PAX5: variants seen among roughly 807,000 people sequenced by gnomAD.
PAX5 encodes the protein paired box protein Pax-5.
A neutral mutation model predicts 43.7 loss-of-function variants in PAX5; 9 were observed. That is an observed-to-expected ratio of 0.21 (90% CI 0.12 to 0.36). The LOEUF (loss-of-function observed/expected upper bound fraction) is 0.36, where lower values mean the gene tolerates loss of function less well. Ranked by LOEUF, PAX5 falls within the 10% of genes least tolerant of loss-of-function variation. PAX5 has a pLI of 1.00. For missense variants in PAX5, 383 were observed against 532.7 expected (o/e 0.72, Z 2.77); for synonymous variants, 228 against 214.3 (o/e 1.06, Z -0.56).
chr9:36,880,204 C>A (rs913809773), intron 8 of PAX5, among the ~76,000 whole-genome samples: 1 of 152,258 alleles, frequency 6.6e-6, no homozygotes, highest in Non-Finnish European at 1.5e-5. Context: ...AGCTAAGATC[C>A]GTCCTGCTGA....
intron 8 of PAX5, among the ~76,000 whole-genome samples, chr9:36,855,687 C>A (rs1319761618): frequency 4.6e-5 from 7 of 152,170 alleles, no homozygotes; most frequent in Non-Finnish European, 8.8e-5. Flanking sequence ...TCCCATGGAG[C>A]TTCTCAGCCA....
chr9:37,017,890 C>G (rs539327422), intron 2 of PAX5, among the ~76,000 whole-genome samples: 95 of 152,382 alleles, frequency 6.2e-4, no homozygotes, highest in African/African-American at 2.2e-3. Flanking sequence ...AATGAGGATT[C>G]AGATTTAATA....
rs1476364310 is a variant in PAX5 at position 36,840,103 on chromosome 9, G to A, written c.*457C>T. The A allele has an allele frequency of 5.9e-6, 2 of 337,978 alleles. No individual in the cohort carries two copies. The highest frequency in any genetic ancestry group is 5.5e-6 in the Non-Finnish European group (1 of 181,436). 20.9% of individuals were successfully genotyped at this position (337,978 alleles called of 1,614,324 possible). A position where few individuals can be genotyped will look rare whatever the true frequency, so the allele number is the denominator to read the frequency against. ...ATGTCCGGTGATGCACCAAGAGTGC[G>A]AGATGCATCATGGGTGGAGCAGTCT... On this transcript the variant is annotated 3_prime_UTR_variant, in exon 10 of 10. Coordinates refer to ENST00000358127, the MANE Select transcript of PAX5 (RefSeq NM_016734.3).
chr9:36,952,744 C>T (rs773169504), intron 6 of PAX5, among the ~76,000 whole-genome samples: 3 of 152,174 alleles, frequency 2.0e-5, no homozygotes, highest in Non-Finnish European at 4.4e-5. Context: ...CATGTACCTT[C>T]TAATAGAATA....
At chr9:36,951,580 C>T (rs933133494) in intron 6 of PAX5, among the ~76,000 whole-genome samples, 2 of 152,144 alleles carry the variant, frequency 1.3e-5, no homozygotes, top group Non-Finnish European at 2.9e-5. Flanking sequence ...TCTCTCAGTC[C>T]TTGCAAACTT....
chr9:36,852,118 CA>C lies in PAX5; in HGVS notation c.1013-5190del, dbSNP rs377217641. Among the ~76,000 whole-genome samples, 5 of 152,324 alleles carry C rather than the reference CA, an allele frequency of 3.3e-5. No individual in the cohort carries two copies. In the East Asian group the frequency reaches 9.6e-4, roughly 29 times the overall value. ...AGAAGATCAAATGACTTCACGTTTG[CA>C]GATGCTCTTTGCAAACCCCTGTGTG... On this transcript the variant is annotated intron_variant, in intron 8 of 9. Transcript: ENST00000358127.
intron 7 of PAX5, among the ~76,000 whole-genome samples, chr9:36,914,642 A>C (rs927667868): frequency 2.0e-5 from 3 of 152,230 alleles, no homozygotes; most frequent in African/African-American, 7.2e-5. Context: ...CTACATTCTT[A>C]ATGAATGTAA....
intron 5 of PAX5, 123 bp from the exon 6 acceptor site, chr9:36,966,847 A>C: frequency 1.2e-6 from 1 of 816,442 alleles, no homozygotes; most frequent in Non-Finnish European, 1.9e-6. Context: ...CAGAGAATAC[A>C]CCAGCAGGGG....
At chr9:36,930,919 T>C (rs1367581439) in intron 6 of PAX5, 2 of 1,129,486 alleles carry the variant, frequency 1.8e-6, no homozygotes, top group East Asian at 4.6e-5. Flanking sequence ...CTGCACCAAG[T>C]ATTGTCTCAT....
chr9:36,978,798 T>C (rs1208965123), intron 5 of PAX5, among the ~76,000 whole-genome samples: 2 of 152,170 alleles, frequency 1.3e-5, no homozygotes, highest in Non-Finnish European at 2.9e-5. Context: ...GGAGAAGATA[T>C]CAGGCCATTT....
intron 6 of PAX5, among the ~76,000 whole-genome samples, chr9:36,943,529 TACACACACACACACACACAC>T (rs1554668821): frequency 1.4e-5 from 2 of 145,912 alleles, no homozygotes; most frequent in African/African-American, 5.1e-5. Context: ...TAGTTCAACA[TACACACACACACACACACAC>T]ACACACACAC....
chr9:36,972,485 A>T (rs1834998261), intron 5 of PAX5, among the ~76,000 whole-genome samples: 1 of 152,314 alleles, frequency 6.6e-6, no homozygotes, highest in South Asian at 2.1e-4. Flanking sequence ...GCTAAGTAGT[A>T]TTAAATGAGC....
chr9:36,959,822 G>T (rs990068025), intron 6 of PAX5, among the ~76,000 whole-genome samples: 3 of 152,232 alleles, frequency 2.0e-5, no homozygotes, highest in African/African-American at 7.2e-5. Context: ...GGGCTCTGGA[G>T]GCAAGGACCT....
In PAX5 at chr9:36,836,390, C is replaced by T; in HGVS notation, c.*4170G>A. Reference sequence around the variant, plus strand: ...TCACCTCTCTGGGCTCCCATCTCCTCCAAATCTGCAACAAAGGACAGGAGG... The same window carrying T: ...TCACCTCTCTGGGCTCCCATCTCCTTCAAATCTGCAACAAAGGACAGGAGG... On this transcript the variant is annotated 3_prime_UTR_variant, in exon 10 of 10. Coordinates refer to ENST00000358127, the MANE Select transcript of PAX5 (RefSeq NM_016734.3). The T allele has an allele frequency of 4.3e-6, 1 of 233,392 alleles. No individual in the cohort carries two copies. Among genetic ancestry groups the T allele is most frequent in the Non-Finnish European group, 8.5e-6 (1 of 118,126 alleles). 14.5% of individuals were successfully genotyped at this position (233,392 alleles called of 1,614,324 possible).
intron 6 of PAX5, among the ~76,000 whole-genome samples, chr9:36,950,881 C>G (rs1365013414): frequency 6.6e-6 from 1 of 151,956 alleles, no homozygotes; most frequent in Non-Finnish European, 1.5e-5. Flanking sequence ...GCTGGGATTA[C>G]AGGCACACAC....
intron 6 of PAX5, among the ~76,000 whole-genome samples, chr9:36,947,388 T>A (rs991725661): frequency 2.6e-5 from 4 of 152,138 alleles, no homozygotes; most frequent in Non-Finnish European, 4.4e-5. Context: ...TACGTATTCA[T>A]TTGTTTATTT....
At chr9:37,002,954 C>G (rs535106274) in intron 4 of PAX5, 178 bp from the exon 5 acceptor site, 1 of 672,584 alleles carries the variant, frequency 1.5e-6, no homozygotes, top group African/African-American at 1.9e-5. Flanking sequence ...AGGCCTCGGG[C>G]GGGCCGTGTG....
chr9:36,847,529 A>C (rs1822712484), intron 8 of PAX5, among the ~76,000 whole-genome samples: 1 of 152,182 alleles, frequency 6.6e-6, no homozygotes, highest in Non-Finnish European at 1.5e-5. Flanking sequence ...TGCCTGGAGG[A>C]GGCAGACAGA....
At chr9:36,859,389 A>G (rs1328137268) in intron 8 of PAX5, among the ~76,000 whole-genome samples, 1 of 152,162 alleles carries the variant, frequency 6.6e-6, no homozygotes, top group Non-Finnish European at 1.5e-5. Context: ...AAGAAGCCAA[A>G]GACCCAGGCT....
Sources: gnomAD v4.1 joint callset for allele counts (sites outside exome capture counted in the v4.1 genomes callset) on GRCh38, gnomAD v4.1.1 for gene constraint, MANE v1.5 for transcripts, NCBI Gene and HGNC (gene_info 2026-07-23, HGNC 2026-07-21) for gene names.